Variants in IDNK observed in about 807,000 individuals in gnomAD.
The protein encoded by IDNK is gluconokinase.
IDNK carries 9 observed loss-of-function variants against 13.0 expected under a neutral mutation model. That is an observed-to-expected ratio of 0.69 (90% CI 0.42 to 1.21). IDNK has a LOEUF of 1.21. IDNK is among the 50% of genes most tolerant of loss of function. IDNK has a pLI of 0.00. For missense variants in IDNK, 210 were observed against 237.8 expected, an observed-to-expected ratio of 0.88 and a Z score of 0.77; for synonymous variants, 92 against 94.9, an observed-to-expected ratio of 0.97 and a Z score of 0.18.
At chr9:83,641,091 A>T (rs909850844) in intron 3 of IDNK, among the ~76,000 whole-genome samples, 2 of 152,212 alleles carry the variant, frequency 1.3e-5, no homozygotes, top group African/African-American at 4.8e-5. Context: ...TTTGGCAAAA[A>T]TATAAATTTC....
chr9:83,631,470 A>AAAAAAAAAAT (rs1831013471), intron 3 of IDNK, among the ~76,000 whole-genome samples: 1 of 148,112 alleles, frequency 6.8e-6, no homozygotes, highest in Non-Finnish European at 1.5e-5. Flanking sequence ...AAAAAAAAAA[A>AAAAAAAAAAT]GGCTGGTGGT....
chr9:83,627,853 CAAAA>C (rs149062579), intron 1 of IDNK, among the ~76,000 whole-genome samples: 27 of 73,948 alleles, frequency 3.7e-4, no homozygotes, highest in African/African-American at 1.4e-3. Context: ...ATCCCCACCA[CAAAA>C]AAAAAAAAAA....
At chr9:83,643,138 TCAAA>T (rs1026564871) in intron 4 of IDNK, among the ~76,000 whole-genome samples, 8 of 152,220 alleles carry the variant, frequency 5.3e-5, no homozygotes, top group Admixed American at 1.3e-4. Context: ...ATCAGAGATC[TCAAA>T]CAGTGTTTTC....
chr9:83,643,587 T>C lies in IDNK; in HGVS notation c.371T>C (p.Leu124Pro), dbSNP rs763111495. The change falls in exon 5 of 5, where the codon CTG (leucine) becomes CCG (proline). Residue 124 changes from leucine (L) to proline (P), a missense_variant. By Grantham distance (98) the Leu-to-Pro change is moderately conservative. Transcript: ENST00000376419. ...GAGATGCAGCTCCTGGTGGTCCATC[T>C]GAGCGGGTCGTTTGAGGTCATCTCT... ...QAEMQLLVVHLSGSFEVISGR... is the reference protein window; with the variant it reads ...QAEMQLLVVHPSGSFEVISGR... 6.2e-7 allele frequency: 1 copy of C among 1,614,034 alleles called. No individual in the cohort carries two copies. The highest frequency in any genetic ancestry group is 2.2e-5 in the East Asian group (1 of 44,868).
At position 83,644,039 on chromosome 9, in the gene IDNK, T is replaced by C. The variant is rs962597105; in HGVS notation, c.*259T>C. 12 of 390,608 alleles carry C rather than the reference T, an allele frequency of 3.1e-5. No homozygotes were observed. Among genetic ancestry groups the C allele is most frequent in the Non-Finnish European group, 5.6e-5 (12 of 213,756 alleles). 24.2% of individuals were successfully genotyped at this position (390,608 alleles called of 1,614,324 possible). On this transcript the variant is annotated 3_prime_UTR_variant, in exon 5 of 5. Coordinates refer to ENST00000376419, the MANE Select transcript of IDNK (RefSeq NM_001001551.4). ...CAAATCAAATGATCAGAGGAAATTC[T>C]GTAATCAATGCTGGAAATCGTTACA...
chr9:83,636,240 C>T (rs746593319), intron 3 of IDNK, among the ~76,000 whole-genome samples: 18 of 152,140 alleles, frequency 1.2e-4, no homozygotes, highest in Admixed American at 2.0e-4. Flanking sequence ...GCACCTACAA[C>T]AGTGGCTGGG....
intron 3 of IDNK, among the ~76,000 whole-genome samples, chr9:83,638,500 T>C (rs902783833): frequency 6.6e-6 from 1 of 152,130 alleles, no homozygotes; most frequent in Non-Finnish European, 1.5e-5. Flanking sequence ...GTAAATAGAA[T>C]AGGAGAAAGG....
chr9:83,626,763 C>G, intron 1 of IDNK: 1 of 1,186,998 alleles, frequency 8.4e-7, no homozygotes. Flanking sequence ...TCTGGCTTCA[C>G]CAGCCATGGA....
intron 1 of IDNK, chr9:83,626,556 A>C (rs1389863833): frequency 2.2e-6 from 1 of 460,920 alleles, no homozygotes; most frequent in Non-Finnish European, 4.2e-6. Context: ...AACTGGGGTT[A>C]CAGGCGTGCA....
At chr9:83,637,042 G>T (rs1425968834) in intron 3 of IDNK, among the ~76,000 whole-genome samples, 1 of 152,192 alleles carries the variant, frequency 6.6e-6, no homozygotes, top group Non-Finnish European at 1.5e-5. Flanking sequence ...GTACATTTCA[G>T]CTCTAAGTAC....
intron 3 of IDNK, among the ~76,000 whole-genome samples, chr9:83,633,226 C>T (rs1831072506): frequency 6.6e-6 from 1 of 152,214 alleles, no homozygotes; most frequent in Non-Finnish European, 1.5e-5. Flanking sequence ...GTAGTCCCAG[C>T]TACTCGGGAG....
At position 83,643,575 on chromosome 9, in the gene IDNK, T is replaced by C; in HGVS notation, c.359T>C (p.Leu120Pro). 1 of 1,614,028 alleles carries C rather than the reference T, an allele frequency of 6.2e-7. No individual in the cohort carries two copies. The highest frequency in any genetic ancestry group is 1.1e-5 in the South Asian group (1 of 91,068). Reference sequence around the variant, plus strand: ...GCAAAGCAGGCTGAGATGCAGCTCCTGGTGGTCCATCTGAGCGGGTCGTTT... The same window carrying C: ...GCAAAGCAGGCTGAGATGCAGCTCCCGGTGGTCCATCTGAGCGGGTCGTTT... ...KEAKQAEMQL[L>P]VVHLSGSFEV... The change falls in exon 5 of 5, where the codon CTG (leucine) becomes CCG (proline). Residue 120 changes from leucine to proline, a missense_variant. By Grantham distance (98) the Leu-to-Pro change is moderately conservative (BLOSUM62 -3). Coordinates refer to ENST00000376419, the MANE Select transcript of IDNK (RefSeq NM_001001551.4).
intron 1 of IDNK, chr9:83,627,912 G>T: frequency 4.6e-5 from 27 of 588,010 alleles, no homozygotes; most frequent in South Asian, 1.5e-4. Flanking sequence ...GATTACTGAA[G>T]AAAAAACTTG....
Position 83,637,159 on chromosome 9 carries a change from T to C in IDNK, c.169-4389T>C, listed in dbSNP as rs190685475. Among the ~76,000 whole-genome samples, 250 of 152,384 alleles carry C rather than the reference T, an allele frequency of 1.6e-3. 1 individual carries two copies. Among genetic ancestry groups the C allele is most frequent in the African/African-American group, 5.7e-3 (236 of 41,596 alleles). The stretch of plus-strand genomic sequence containing the variant: ...AAACTGTGTGACTGTCATCATTTGA[T>C]CTGTACATTTTGTGATTTTTGTAGC... On this transcript the variant is annotated intron_variant, in intron 3 of 4. Transcript: ENST00000376419.
intron 3 of IDNK, among the ~76,000 whole-genome samples, chr9:83,630,600 T>G (rs1158020744): frequency 1.3e-5 from 2 of 152,240 alleles, no homozygotes; most frequent in Admixed American, 6.5e-5. Context: ...TTTAAAATTA[T>G]TGCTAACCAT....
intron 4 of IDNK, among the ~76,000 whole-genome samples, chr9:83,643,043 C>T (rs997522359): frequency 2.0e-5 from 3 of 152,144 alleles, no homozygotes; most frequent in African/African-American, 7.2e-5. Context: ...AGGGGCATGC[C>T]GGCAGCCCTG....
At chr9:83,628,820 A>C (rs1425794229) in intron 2 of IDNK, 53 bp from the exon 3 acceptor site, 6 of 1,241,248 alleles carry the variant, frequency 4.8e-6, no homozygotes, top group South Asian at 1.2e-5. Context: ...CACAATGACT[A>C]TCACATTGGC....
At chr9:83,631,817 C>T (rs11140184) in intron 3 of IDNK, among the ~76,000 whole-genome samples, 29,981 of 151,880 alleles carry the variant, frequency 0.2, 3,210 homozygotes, top group African/African-American at 0.25. Context: ...AAATTATTAG[C>T]GTTATGATGA....
At chr9:83,626,593 T>C in intron 1 of IDNK, 1 of 680,490 alleles carries the variant, frequency 1.5e-6, no homozygotes, top group Non-Finnish European at 2.3e-6. Context: ...AGTTTTGTAT[T>C]TTTAGTTGAG....
Sources: allele counts gnomAD v4.1 joint callset (sites outside exome capture counted in the v4.1 genomes callset), GRCh38; gene constraint gnomAD v4.1.1; transcripts MANE v1.5; gene names NCBI Gene and HGNC (gene_info 2026-07-23, HGNC 2026-07-21).